Variants in UBR2 observed in about 807,000 individuals in gnomAD.
UBR2 encodes the protein E3 ubiquitin-protein ligase UBR2.
A neutral mutation model predicts 247.9 loss-of-function variants in UBR2; 92 were observed. The observed-to-expected ratio is 0.37, with a 90% confidence interval of 0.31 to 0.44. The LOEUF (loss-of-function observed/expected upper bound fraction) is 0.44, where lower values mean the gene tolerates loss of function less well. Among genes scored for constraint, UBR2 ranks in the 20% least tolerant of loss-of-function variants. The pLI is 1.00. For synonymous variants in UBR2, 672 were observed against 693.5 expected (o/e 0.97, Z 0.49); for missense variants, 1,613 against 2,112.6 (o/e 0.76, Z 4.64).
At chr6:42,686,541 A>G (rs1288601745) in intron 44 of UBR2, among the ~76,000 whole-genome samples, 1 of 152,132 alleles carries the variant, frequency 6.6e-6, no homozygotes. Flanking sequence ...CCCCTTTTCT[A>G]TTCGACAAAA....
intron 35 of UBR2, 70 bp from the exon 36 acceptor site, chr6:42,670,590 C>T: frequency 8.6e-7 from 1 of 1,157,746 alleles, no homozygotes; most frequent in Non-Finnish European, 1.2e-6. Context: ...TTTTTTTAAC[C>T]TTTTTAAGAA....
intron 23 of UBR2, among the ~76,000 whole-genome samples, chr6:42,651,430 TA>T (rs71547812): frequency 0.015 from 2,273 of 147,838 alleles, 43 homozygotes; most frequent in African/African-American, 0.053. Context: ...TTCTTTTAGT[TA>T]AAAAAAAAAA....
intron 34 of UBR2, among the ~76,000 whole-genome samples, chr6:42,667,362 A>C (rs912900146): frequency 1.3e-5 from 2 of 151,118 alleles, no homozygotes; most frequent in Admixed American, 1.3e-4. Flanking sequence ...AAAAGAAAAA[A>C]CTTCAATCTT....
rs1384926830 is a variant in UBR2 at position 42,635,400 on chromosome 6, T to G, written c.1546-18T>G. On this transcript the variant is annotated intron_variant, in intron 13 of 46. Coordinates refer to ENST00000372901, the MANE Select transcript of UBR2 (RefSeq NM_001363705.2). ...ACTATTATTTTCATTCATATATAAT[T>G]TTTTCACTTCCGTTAAGGGAATGGA... The G allele has an allele frequency of 6.8e-6, 11 of 1,611,076 alleles. No individual in the cohort carries two copies. In the South Asian group the frequency reaches 1.0e-4, roughly 15 times the overall value.
At chr6:42,641,386 C>T (rs1796436577) in intron 16 of UBR2, among the ~76,000 whole-genome samples, 196 bp from the exon 17 acceptor site, 1 of 151,954 alleles carries the variant, frequency 6.6e-6, no homozygotes, top group Non-Finnish European at 1.5e-5. Flanking sequence ...ATGGCTTGAA[C>T]CTGGGAGGCC....
At position 42,691,531 on chromosome 6, in the gene UBR2, G is replaced by A. The variant is rs1799750863; in HGVS notation, c.*358G>A. ...TGGGTCCGAAGCTGACTCAACGGAG[G>A]CAGGGAACAAAGTCTCTGTGGTCTG... On this transcript the variant is annotated 3_prime_UTR_variant, in exon 47 of 47. Transcript: ENST00000372901. 3.6e-6 allele frequency: 1 copy of A among 277,802 alleles called. No individual in the cohort carries two copies. The allele number at this position is 277,802 out of a possible 1,614,324, so 17.2% of individuals were successfully genotyped here.
intron 1 of UBR2, among the ~76,000 whole-genome samples, chr6:42,567,196 T>C (rs190079845): frequency 9.9e-5 from 15 of 150,960 alleles, no homozygotes; most frequent in African/African-American, 3.4e-4. Flanking sequence ...ATTCCTGTTA[T>C]AAGGAGGAAG....
chr6:42,652,731 C>A, intron 25 of UBR2, 86 bp downstream of exon 25: 1 of 1,251,532 alleles, frequency 8.0e-7, no homozygotes, highest in Non-Finnish European at 1.1e-6. Context: ...CACAGGAAAA[C>A]TAGGCCGAAA....
intron 16 of UBR2, 113 bp downstream of exon 16, chr6:42,640,383 GGTGTGT>G (rs61668810): frequency 0.014 from 2,360 of 172,580 alleles, 5 homozygotes; most frequent in Middle Eastern, 0.017. Context: ...GAACCAGTAA[GGTGTGT>G]GTGTGTGTGT....
At position 42,645,560 on chromosome 6, in the gene UBR2, T is replaced by C. The variant is rs750141945; in HGVS notation, c.2379T>C (p.His793=). The change falls in exon 21 of 47, where the codon CAT becomes CAC. Residue 793 remains histidine, a synonymous_variant. Coordinates refer to ENST00000372901, the MANE Select transcript of UBR2 (RefSeq NM_001363705.2). ...IHQLSIKPMA[H]SELVKSLPED... ...AGTTGAGTATCAAGCCTATGGCTCA[T>C]AGTGAATTGGTAAAGTCTTTACCTG... is the stretch of plus-strand genomic sequence containing the variant. 3.4e-5 allele frequency: 55 copies of C among 1,613,572 alleles called. No homozygotes were observed. The highest frequency in any genetic ancestry group is 1.6e-4 in the Middle Eastern group (1 of 6,084).
At chr6:42,635,745 A>G (rs192772974) in intron 14 of UBR2, among the ~76,000 whole-genome samples, 199 bp downstream of exon 14, 42 of 152,326 alleles carry the variant, frequency 2.8e-4, no homozygotes, top group African/African-American at 9.9e-4. Context: ...AAAAATAGAG[A>G]AAGAAATAAT....
At chr6:42,628,583 C>T (rs1024619161) in intron 11 of UBR2, among the ~76,000 whole-genome samples, 2 of 151,900 alleles carry the variant, frequency 1.3e-5, no homozygotes, top group African/African-American at 4.8e-5. Flanking sequence ...ATTAGCTGGG[C>T]ATGGTGGCAG....
chr6:42,636,736 A>T (rs146620499), intron 14 of UBR2, among the ~76,000 whole-genome samples: 92 of 152,300 alleles, frequency 6.0e-4, no homozygotes, highest in African/African-American at 2.2e-3. Context: ...AGAAACTTAG[A>T]AGATGAAGTT....
At chr6:42,656,812 C>T (rs914628463) in intron 26 of UBR2, among the ~76,000 whole-genome samples, 7 of 152,122 alleles carry the variant, frequency 4.6e-5, no homozygotes, top group African/African-American at 1.7e-4. Flanking sequence ...CAGTTTTTAC[C>T]TATTCTTTTT....
At chr6:42,625,079 G>A (rs1010602267) in intron 11 of UBR2, among the ~76,000 whole-genome samples, 1 of 152,186 alleles carries the variant, frequency 6.6e-6, no homozygotes, top group African/African-American at 2.4e-5. Flanking sequence ...GAAGCAAGAT[G>A]GAGTCAATTA....
At chr6:42,668,987 G>A (rs1236328434) in intron 34 of UBR2, among the ~76,000 whole-genome samples, 3 of 151,202 alleles carry the variant, frequency 2.0e-5, no homozygotes, top group Admixed American at 6.6e-5. Flanking sequence ...GCAGTGGCAC[G>A]ATCTCAGCTC....
At position 42,692,360 on chromosome 6, in the gene UBR2, T is replaced by G. The variant is rs913800549; in HGVS notation, c.*1187T>G. 1 of 152,226 alleles carries G rather than the reference T, an allele frequency of 6.6e-6. No homozygotes were observed. The highest frequency in any genetic ancestry group is 2.4e-5 in the African/African-American group (1 of 41,468). 9.4% of individuals were successfully genotyped at this position (152,226 alleles called of 1,614,324 possible). A position where few individuals can be genotyped will look rare whatever the true frequency, so the allele number is the denominator to read the frequency against. On this transcript the variant is annotated 3_prime_UTR_variant, in exon 47 of 47. Transcript: ENST00000372901. ...CACTTAGTGCATTCCTGGGATGGTCTGGCACCCAGGCTTTTTATTCTTTTT... is the reference window on the plus strand; with the variant it reads ...CACTTAGTGCATTCCTGGGATGGTCGGGCACCCAGGCTTTTTATTCTTTTT...
intron 4 of UBR2, among the ~76,000 whole-genome samples, chr6:42,599,349 T>C (rs1214941880): frequency 6.6e-6 from 1 of 152,134 alleles, no homozygotes; most frequent in East Asian, 1.9e-4. Flanking sequence ...GAGGATCACT[T>C]TGAGCCCAGG....
intron 4 of UBR2, among the ~76,000 whole-genome samples, chr6:42,599,736 A>C (rs1793238204): frequency 6.6e-6 from 1 of 151,816 alleles, no homozygotes; most frequent in Admixed American, 6.6e-5. Context: ...TGCAGCCTTG[A>C]CCACATGGAC....
Sources: allele counts gnomAD v4.1 joint callset (sites outside exome capture counted in the v4.1 genomes callset), GRCh38; gene constraint gnomAD v4.1.1; transcripts MANE v1.5; gene names NCBI Gene and HGNC (gene_info 2026-07-23, HGNC 2026-07-21).